Variants in ASAP1 observed in about 807,000 individuals in gnomAD.
ASAP1 encodes arf-GAP with SH3 domain, ANK repeat and PH domain-containing protein 1.
ASAP1 carries 43 observed loss-of-function variants against 145.2 expected under a neutral mutation model. That is an observed-to-expected ratio of 0.30 (90% confidence interval 0.23 to 0.38). The LOEUF (loss-of-function observed/expected upper bound fraction) is 0.38. ASAP1 is among the 10% of genes least tolerant of loss of function. ASAP1 has a pLI of 1.00. For missense variants in ASAP1, 1,018 were observed against 1,355.3 expected (o/e 0.75, Z 3.91); for synonymous variants, 546 against 515.5 (o/e 1.06, Z -0.80).
chr8:130,229,759 G>A (rs1817797044), intron 4 of ASAP1, among the ~76,000 whole-genome samples: 1 of 152,128 alleles, frequency 6.6e-6, no homozygotes, highest in South Asian at 2.1e-4. Flanking sequence ...CCCAAAATAG[G>A]CTGGGCGTGC....
chr8:130,303,744 A>G (rs891211936), intron 3 of ASAP1, among the ~76,000 whole-genome samples: 2 of 152,264 alleles, frequency 1.3e-5, no homozygotes, highest in African/African-American at 4.8e-5. Context: ...CAGCAAAAAG[A>G]TCAGTGGTTG....
intron 3 of ASAP1, among the ~76,000 whole-genome samples, chr8:130,259,763 C>G (rs1819781550): frequency 6.6e-6 from 1 of 152,152 alleles, no homozygotes; most frequent in African/African-American, 2.4e-5. Flanking sequence ...AATGTCTTCA[C>G]TTGAGAAAGA....
intron 12 of ASAP1, among the ~76,000 whole-genome samples, chr8:130,158,687 T>C (rs1208483918): frequency 6.6e-6 from 1 of 151,396 alleles, no homozygotes; most frequent in Non-Finnish European, 1.5e-5. Flanking sequence ...AGATGCTATA[T>C]GCAAAGGGAA....
At chr8:130,118,849 A>G in intron 18 of ASAP1, 174 bp from the exon 19 acceptor site, 1 of 409,278 alleles carries the variant, frequency 2.4e-6, no homozygotes, top group Non-Finnish European at 4.3e-6. Context: ...AATAAAGAAA[A>G]TAATATATGT....
chr8:130,424,883 C>T (rs1157164665), intron 1 of ASAP1, among the ~76,000 whole-genome samples: 1 of 152,010 alleles, frequency 6.6e-6, no homozygotes, highest in Admixed American at 6.6e-5. Context: ...GTTCCAGCTA[C>T]TCGGGAGGCT....
chr8:130,330,869 T>C (rs1824642285), intron 3 of ASAP1, among the ~76,000 whole-genome samples: 1 of 152,226 alleles, frequency 6.6e-6, no homozygotes, highest in Non-Finnish European at 1.5e-5. Flanking sequence ...AAGAATATAC[T>C]GAACCCAATT....
intron 3 of ASAP1, among the ~76,000 whole-genome samples, chr8:130,269,155 C>T (rs1432584572): frequency 6.6e-6 from 1 of 152,168 alleles, no homozygotes; most frequent in Non-Finnish European, 1.5e-5. Context: ...TAAAGGAATG[C>T]TGCAGTGGGA....
At chr8:130,072,395 T>C (rs1252078988) in intron 27 of ASAP1, among the ~76,000 whole-genome samples, 1 of 152,196 alleles carries the variant, frequency 6.6e-6, no homozygotes, top group Non-Finnish European at 1.5e-5. Context: ...CTGATGGTTT[T>C]ATAAGGGGTT....
chr8:130,425,178 A>G (rs1372394633), intron 1 of ASAP1, among the ~76,000 whole-genome samples: 4 of 151,506 alleles, frequency 2.6e-5, no homozygotes, highest in African/African-American at 7.3e-5. Context: ...CTAAAAATAT[A>G]AAAATTAGCT....
At chr8:130,437,176 A>C (rs1830343412) in intron 1 of ASAP1, among the ~76,000 whole-genome samples, 1 of 152,246 alleles carries the variant, frequency 6.6e-6, no homozygotes, top group South Asian at 2.1e-4. Context: ...AACACAGCTA[A>C]GCAGCTGAAG....
chr8:130,257,285 T>C (rs1317167457), intron 3 of ASAP1, among the ~76,000 whole-genome samples: 1 of 152,176 alleles, frequency 6.6e-6, no homozygotes, highest in East Asian at 1.9e-4. Context: ...ATTCACCAAA[T>C]TACTCTACTT....
intron 1 of ASAP1, among the ~76,000 whole-genome samples, chr8:130,406,462 T>C (rs867557823): frequency 1.3e-5 from 2 of 151,930 alleles, no homozygotes; most frequent in African/African-American, 4.8e-5. Flanking sequence ...ATTTATCCTT[T>C]CATACTTTAG....
At position 130,092,045 on chromosome 8, in the gene ASAP1, G is replaced by C; in HGVS notation, c.2500C>G (p.His834Asp). Residue 834 changes from histidine to aspartate, a missense_variant, in exon 25 of 30, where the codon CAC (histidine) becomes GAC (aspartate). By Grantham distance (81) the His-to-Asp change is moderately conservative (BLOSUM62 -1). Coordinates refer to ENST00000518721, the MANE Select transcript of ASAP1 (RefSeq NM_018482.4). ...GGAGGGTCGGATAGGGTTCTCTTGTGTCCGGGTGGTGGGGGAGGAGGCCTC... is the reference window on the plus strand; with the variant it reads ...GGAGGGTCGGATAGGGTTCTCTTGTCTCCGGGTGGTGGGGGAGGAGGCCTC... ...KKRPPPPPPG[H>D]KRTLSDPPSP... is the part of the protein sequence containing the mutation. 2 of 1,576,148 alleles carry C rather than the reference G, an allele frequency of 1.3e-6. No homozygotes were observed. Among genetic ancestry groups the C allele is most frequent in the Non-Finnish European group, 1.7e-6 (2 of 1,165,650 alleles).
chr8:130,098,008 C>T (rs2097522140), intron 24 of ASAP1, among the ~76,000 whole-genome samples: 1 of 152,154 alleles, frequency 6.6e-6, no homozygotes, highest in African/African-American at 2.4e-5. Flanking sequence ...CAAATCTCTT[C>T]CTCCTCTTCT....
chr8:130,281,754 A>AT (rs1240347895), intron 3 of ASAP1, among the ~76,000 whole-genome samples: 1 of 152,198 alleles, frequency 6.6e-6, no homozygotes, highest in African/African-American at 2.4e-5. Flanking sequence ...TGCAAAAGTA[A>AT]TTGTGGCTTT....
rs563551374 is a variant in ASAP1, at chr8:130,133,672, C to A, written c.1217+624G>T. ...AGCGAGACTCCGTCTCAAAAACAAA[C>A]AAACAAACAAACAAACAAAAAAAAA... On this transcript the variant is annotated intron_variant, in intron 15 of 29. Coordinates refer to ENST00000518721, the MANE Select transcript of ASAP1 (RefSeq NM_018482.4). Among the ~76,000 whole-genome samples, 275 of 146,376 alleles carry A rather than the reference C, an allele frequency of 1.9e-3. 2 individuals are homozygous for A. The highest frequency in any genetic ancestry group is 3.1e-3 in the Non-Finnish European group (204 of 65,506).
intron 4 of ASAP1, among the ~76,000 whole-genome samples, chr8:130,219,519 C>T (rs1030597062): frequency 1.3e-5 from 2 of 152,042 alleles, no homozygotes; most frequent in African/African-American, 4.8e-5. Flanking sequence ...CTGAAGGAGA[C>T]GGACTGATAA....
chr8:130,188,048 A>G, intron 6 of ASAP1, 61 bp downstream of exon 6: 1 of 1,255,266 alleles, frequency 8.0e-7, no homozygotes, highest in Non-Finnish European at 1.1e-6. Flanking sequence ...TGATCTTGAA[A>G]GAGGAAAAAA....
At chr8:130,384,885 C>T (rs554089966) in intron 2 of ASAP1, among the ~76,000 whole-genome samples, 2 of 152,194 alleles carry the variant, frequency 1.3e-5, no homozygotes, top group South Asian at 4.2e-4. Context: ...TGAGCAAGGC[C>T]GAGATGACCC....
Sources: gnomAD v4.1 joint callset for allele counts (sites outside exome capture counted in the v4.1 genomes callset) on GRCh38, gnomAD v4.1.1 for gene constraint, MANE v1.5 for transcripts, NCBI Gene and HGNC (gene_info 2026-07-23, HGNC 2026-07-21) for gene names.